Variants in IL1RAPL2 observed in about 807,000 individuals in gnomAD.
The protein encoded by IL1RAPL2 is X-linked interleukin-1 receptor accessory protein-like 2.
In IL1RAPL2, 3 loss-of-function variants were observed where a neutral mutation model predicts 44.1. That is an observed-to-expected ratio of 0.07 (90% CI 0.03 to 0.18). The LOEUF (loss-of-function observed/expected upper bound fraction) is 0.18, where lower values mean the gene tolerates loss of function less well. IL1RAPL2 is among the 10% of genes least tolerant of loss of function. IL1RAPL2 has a pLI of 1.00. For missense variants in IL1RAPL2, 391 were observed against 496.4 expected, an observed-to-expected ratio of 0.79 and a Z score of 2.02; for synonymous variants, 181 against 178.8, an observed-to-expected ratio of 1.01 and a Z score of -0.10.
intron 2 of IL1RAPL2, among the ~76,000 whole-genome samples, chrX:105,083,971 C>T (rs1036450789): frequency 8.9e-6 from 1 of 112,092 alleles, no homozygotes; most frequent in Non-Finnish European, 1.9e-5. Flanking sequence ...ACAATTGTTG[C>T]CTCAGAGGGT....
intron 5 of IL1RAPL2, among the ~76,000 whole-genome samples, chrX:105,315,389 A>T (rs1454264759): frequency 9.5e-6 from 1 of 105,645 alleles, no homozygotes; most frequent in Non-Finnish European, 1.9e-5. Context: ...TTTTAAAAAA[A>T]AATGAGATGA....
At chrX:105,029,651 T>C in intron 2 of IL1RAPL2, among the ~76,000 whole-genome samples, 1 of 109,939 alleles carries the variant, frequency 9.1e-6, no homozygotes, top group Middle Eastern at 4.7e-3. Flanking sequence ...CTGTCTATCA[T>C]TGTTGGACAT....
At chrX:105,709,555 C>T (rs183413666) in intron 6 of IL1RAPL2, among the ~76,000 whole-genome samples, 34 of 111,378 alleles carry the variant, frequency 3.1e-4, no homozygotes, top group East Asian at 1.4e-3. Flanking sequence ...TCTCAGTTGA[C>T]CCTATAATTT....
At chrX:105,414,864 T>C (rs1228704392) in intron 5 of IL1RAPL2, among the ~76,000 whole-genome samples, 1 of 112,416 alleles carries the variant, frequency 8.9e-6, no homozygotes, top group Non-Finnish European at 1.9e-5. Context: ...GTATGCTTTA[T>C]GTATTAGGCA....
At chrX:105,745,555 T>C (rs965042432) in intron 8 of IL1RAPL2, among the ~76,000 whole-genome samples, 1 of 112,260 alleles carries the variant, frequency 8.9e-6, no homozygotes, top group Admixed American at 9.4e-5. Flanking sequence ...AGATGGCACT[T>C]TCTTTGTGTC....
At chrX:105,626,348 G>T (rs1470048253) in intron 6 of IL1RAPL2, among the ~76,000 whole-genome samples, 1 of 111,105 alleles carries the variant, frequency 9.0e-6, no homozygotes, top group African/African-American at 3.3e-5. Context: ...GTTGGAAGAA[G>T]GTCAACAACC....
intron 2 of IL1RAPL2, among the ~76,000 whole-genome samples, chrX:105,012,645 T>TCTCTCTCTCTCA (rs1287477665): frequency 4.7e-4 from 23 of 48,500 alleles, no homozygotes; most frequent in Middle Eastern, 0.012. Context: ...TCTCTCTCTC[T>TCTCTCTCTCTCA]CACACACACA....
At chrX:105,690,665 C>T (rs1396875183) in intron 6 of IL1RAPL2, among the ~76,000 whole-genome samples, 1 of 111,729 alleles carries the variant, frequency 9.0e-6, no homozygotes, top group Non-Finnish European at 1.9e-5. Context: ...TCTAACATAC[C>T]AAAAACATTA....
chrX:105,169,197 AT>A (rs751662334), intron 2 of IL1RAPL2, among the ~76,000 whole-genome samples: 266 of 111,882 alleles, frequency 2.4e-3, no homozygotes, highest in African/African-American at 8.4e-3. Context: ...TATGGGCCAA[AT>A]ACTCCTTTCC....
At chrX:105,123,769 C>T (rs2032948200) in intron 2 of IL1RAPL2, among the ~76,000 whole-genome samples, 1 of 111,058 alleles carries the variant, frequency 9.0e-6, no homozygotes, top group Non-Finnish European at 1.9e-5. Flanking sequence ...TATTTCTCTT[C>T]CCTTAAGTAA....
intron 2 of IL1RAPL2, among the ~76,000 whole-genome samples, chrX:104,983,606 T>C (rs1186520823): frequency 1.4e-5 from 1 of 70,814 alleles, no homozygotes; most frequent in Non-Finnish European, 2.8e-5. Context: ...ATATGCATAA[T>C]ATATAATATT....
intron 5 of IL1RAPL2, among the ~76,000 whole-genome samples, chrX:105,415,102 TG>T (rs1446381487): frequency 8.9e-6 from 1 of 112,208 alleles, no homozygotes; most frequent in Non-Finnish European, 1.9e-5. Context: ...TTTAAACATT[TG>T]GGAATAAGTA....
At position 105,224,265 on chromosome X, in the gene IL1RAPL2, TAA is replaced by T. The variant is rs782049226; in HGVS notation, c.357-9549_357-9548del. 4.8e-4 allele frequency among the ~76,000 whole-genome samples: 53 copies of T among 110,837 alleles called. No individual in the cohort carries two copies. In the South Asian group the frequency reaches 6.5e-3, roughly 14 times the overall value. ...TAGACCTAAGGAGAAATTTGGAAGG[TAA>T]AAAGAGTGTTATTAGTTTCATATAA... is the stretch of plus-strand genomic sequence containing the variant. On this transcript the variant is annotated intron_variant, in intron 3 of 10. Coordinates refer to ENST00000372582, the MANE Select transcript of IL1RAPL2 (RefSeq NM_017416.2).
intron 5 of IL1RAPL2, among the ~76,000 whole-genome samples, chrX:105,344,032 T>A (rs1167012157): frequency 9.0e-6 from 1 of 111,005 alleles, no homozygotes; most frequent in African/African-American, 3.3e-5. Context: ...ATAGCTGGGA[T>A]TACAAGTGCA....
At chrX:105,624,125 C>T (rs2037437896) in intron 6 of IL1RAPL2, among the ~76,000 whole-genome samples, 1 of 110,928 alleles carries the variant, frequency 9.0e-6, no homozygotes, top group Middle Eastern at 4.2e-3. Flanking sequence ...TTTACCTGGT[C>T]AAGGACCTAA....
chrX:104,613,523 A>G (rs1347905416), intron 1 of IL1RAPL2, among the ~76,000 whole-genome samples: 2 of 111,877 alleles, frequency 1.8e-5, no homozygotes, highest in Non-Finnish European at 3.8e-5. Flanking sequence ...AGCCTACTTG[A>G]TCATGGTGAA....
intron 2 of IL1RAPL2, among the ~76,000 whole-genome samples, chrX:105,162,976 C>T (rs889637233): frequency 1.8e-5 from 2 of 111,294 alleles, no homozygotes; most frequent in Non-Finnish European, 3.8e-5. Context: ...TTTGGAGAGA[C>T]GCAAACATTC....
At chrX:104,613,925 T>G (rs1470205025) in intron 1 of IL1RAPL2, among the ~76,000 whole-genome samples, 1 of 107,217 alleles carries the variant, frequency 9.3e-6, no homozygotes, top group African/African-American at 3.4e-5. Flanking sequence ...CTTGGGAGAG[T>G]GTGTGTTTCC....
chrX:105,065,257 T>C (rs1037813427), intron 2 of IL1RAPL2, among the ~76,000 whole-genome samples: 1 of 112,019 alleles, frequency 8.9e-6, no homozygotes, highest in African/African-American at 3.2e-5. Context: ...ATGGTTCTGT[T>C]TGGTTTCTAT....
Sources: gnomAD v4.1 joint callset for allele counts (sites outside exome capture counted in the v4.1 genomes callset) on GRCh38, gnomAD v4.1.1 for gene constraint, MANE v1.5 for transcripts, NCBI Gene and HGNC (gene_info 2026-07-23, HGNC 2026-07-21) for gene names.